Variants in NTN1 observed in about 807,000 individuals in gnomAD.
NTN1 encodes the protein netrin 1, also known as netrin-1.
A neutral mutation model predicts 54.2 loss-of-function variants in NTN1; 11 were observed. The observed-to-expected ratio is 0.20, with a 90% CI of 0.13 to 0.34. The LOEUF (loss-of-function observed/expected upper bound fraction) is 0.34. NTN1 is among the 10% of genes least tolerant of loss of function. NTN1 has a pLI of 1.00. For synonymous variants in NTN1, 371 were observed against 382.0 expected, an observed-to-expected ratio of 0.97 and a Z score of 0.33; for missense variants, 740 against 893.1, an observed-to-expected ratio of 0.83 and a Z score of 2.18.
intron 2 of NTN1, among the ~76,000 whole-genome samples, chr17:9,080,009 C>T (rs1019289311): frequency 1.4e-5 from 2 of 140,488 alleles, no homozygotes; most frequent in Non-Finnish European, 3.1e-5. Context: ...CCCATGAGGA[C>T]GTGTTTCCCC....
intron 2 of NTN1, among the ~76,000 whole-genome samples, chr17:9,106,487 T>TCCTC (rs2092167089): frequency 1.8e-5 from 1 of 56,178 alleles, no homozygotes; most frequent in African/African-American, 4.1e-5. Flanking sequence ...CTTCCTTCCT[T>TCCTC]CCTTCCTTCC....
At chr17:9,154,578 C>T (rs763086221) in intron 2 of NTN1, among the ~76,000 whole-genome samples, 28 of 152,008 alleles carry the variant, frequency 1.8e-4, no homozygotes, top group African/African-American at 6.0e-4. Context: ...CAGGTGTGGG[C>T]GGGAGTTAGG....
intron 3 of NTN1, among the ~76,000 whole-genome samples, chr17:9,172,484 AAG>A (rs1327074891): frequency 6.6e-6 from 1 of 151,880 alleles, no homozygotes; most frequent in Non-Finnish European, 1.5e-5. Context: ...GTCTCAAAAA[AAG>A]AGAAGCTCCT....
intron 2 of NTN1, among the ~76,000 whole-genome samples, chr17:9,046,556 G>A (rs2091942013): frequency 6.6e-6 from 1 of 152,168 alleles, no homozygotes. Context: ...GGAGGCCAAG[G>A]TGGAAGGATT....
At chr17:9,201,783 G>A (rs2089046684) in intron 5 of NTN1, among the ~76,000 whole-genome samples, 1 of 152,118 alleles carries the variant, frequency 6.6e-6, no homozygotes, top group African/African-American at 2.4e-5. Flanking sequence ...ATGACAGGGA[G>A]TCAGGGAAAC....
upstream of NTN1, among the ~76,000 whole-genome samples, chr17:9,019,619 G>T (rs544139818): frequency 6.6e-6 from 1 of 152,330 alleles, no homozygotes; most frequent in South Asian, 2.1e-4. Flanking sequence ...TCACAACCCA[G>T]TGGGGTAGAA....
At chr17:9,007,249 C>A in the NTN1 span, among the ~76,000 whole-genome samples, 1 of 136,532 alleles carries the variant, frequency 7.3e-6, no homozygotes, top group Middle Eastern at 4.3e-3. Context: ...TCTTTCCTTC[C>A]TTCCTTCTCT....
intron 2 of NTN1, among the ~76,000 whole-genome samples, chr17:9,039,506 A>G (rs1482742802): frequency 6.6e-6 from 1 of 152,144 alleles, no homozygotes; most frequent in Non-Finnish European, 1.5e-5. Context: ...TTTTTTACAG[A>G]TTTATTGAGA....
intron 2 of NTN1, among the ~76,000 whole-genome samples, chr17:9,137,626 C>G (rs941967535): frequency 2.6e-5 from 4 of 152,092 alleles, no homozygotes; most frequent in Non-Finnish European, 5.9e-5. Context: ...AACCCTGTCT[C>G]TACTAAAAAT....
At chr17:9,078,033 T>G (rs942025565) in intron 2 of NTN1, among the ~76,000 whole-genome samples, 6 of 152,102 alleles carry the variant, frequency 3.9e-5, no homozygotes, top group African/African-American at 1.2e-4. Context: ...CAGTATTGTT[T>G]GTTAATTTGC....
chr17:9,043,975 A>G (rs1319049746), intron 2 of NTN1, among the ~76,000 whole-genome samples: 4 of 152,108 alleles, frequency 2.6e-5, no homozygotes, highest in African/African-American at 7.2e-5. Context: ...TGCTCAGTTC[A>G]ACTAACATTA....
chr17:9,112,509 T>G (rs892547875), intron 2 of NTN1, among the ~76,000 whole-genome samples: 2 of 152,166 alleles, frequency 1.3e-5, no homozygotes, highest in Admixed American at 6.5e-5. Flanking sequence ...GATTTTCACA[T>G]TTTGATGCTT....
intron 2 of NTN1, among the ~76,000 whole-genome samples, chr17:9,145,835 T>C (rs80189079): frequency 1.3e-5 from 2 of 149,806 alleles, no homozygotes; most frequent in Admixed American, 6.7e-5. Context: ...GAAGAATCAC[T>C]TGAACCCAGG....
chr17:9,054,164 A>G (rs1401381888), intron 2 of NTN1, among the ~76,000 whole-genome samples: 5 of 152,226 alleles, frequency 3.3e-5, no homozygotes, highest in Non-Finnish European at 5.9e-5. Context: ...TCCCAGAGAA[A>G]GAACCTAGCA....
chr17:9,151,823 C>T (rs553329962), intron 2 of NTN1, among the ~76,000 whole-genome samples: 1 of 152,294 alleles, frequency 6.6e-6, no homozygotes, highest in South Asian at 2.1e-4. Context: ...TTGTAAAACA[C>T]ACCAATCAGC....
rs984164785 is a variant in NTN1 at position 9,221,607 on chromosome 17, G to T, written c.1486+365G>T. 6.6e-6 allele frequency among the ~76,000 whole-genome samples: 1 copy of T among 152,198 alleles called. No homozygotes were observed. Among genetic ancestry groups the T allele is most frequent in the Non-Finnish European group, 1.5e-5 (1 of 68,024 alleles). ...CTGCGGGGATTTGACCCGAGTCCAC[G>T]TGGCTCAAAGGGAAGCTCTCTGGGC... is the stretch of plus-strand genomic sequence containing the variant. On this transcript the variant is annotated intron_variant, in intron 6 of 6. Coordinates refer to ENST00000173229, the MANE Select transcript of NTN1 (RefSeq NM_004822.3). The surrounding 1 kb of genome is among the most constrained non-coding windows in gnomAD (Gnocchi z 4.5).
At chr17:9,023,463 C>A in intron 2 of NTN1, 72 bp downstream of exon 2, 1 of 1,329,562 alleles carries the variant, frequency 7.5e-7, no homozygotes, top group South Asian at 2.0e-5. Flanking sequence ...CTCGCAGCGG[C>A]GAGTTCATAG....
chr17:9,110,961 G>A (rs1283680020), intron 2 of NTN1, among the ~76,000 whole-genome samples: 1 of 133,578 alleles, frequency 7.5e-6, no homozygotes, highest in Middle Eastern at 3.9e-3. Flanking sequence ...TTGAGATGGA[G>A]TCTTACTCTG....
At chr17:9,154,435 G>T (rs948047556) in intron 2 of NTN1, among the ~76,000 whole-genome samples, 5 of 152,216 alleles carry the variant, frequency 3.3e-5, no homozygotes, top group African/African-American at 9.6e-5. Flanking sequence ...GTATGTATAT[G>T]TATGATCGTT....
Sources: gnomAD v4.1 joint callset for allele counts (sites outside exome capture counted in the v4.1 genomes callset) on GRCh38, gnomAD v4.1.1 for gene constraint, Gnocchi (gnomAD v3.1) non-coding constraint, MANE v1.5 for transcripts, NCBI Gene and HGNC (gene_info 2026-07-23, HGNC 2026-07-21) for gene names.